OPA3: variants seen among roughly 807,000 people sequenced by gnomAD.
OPA3 encodes optic atrophy 3 protein.
A neutral mutation model predicts 4.0 loss-of-function variants in OPA3; 6 were observed. The observed-to-expected ratio is 1.51, with a 90% confidence interval of 0.83 to 2.99. The LOEUF (loss-of-function observed/expected upper bound fraction) is 2.99, where lower values mean the gene tolerates loss of function less well. Ranked by LOEUF, OPA3 falls within the 30% of genes most tolerant of loss-of-function variation. The pLI is 0.00. For synonymous variants in OPA3, 105 were observed against 117.1 expected, an observed-to-expected ratio of 0.90 and a Z score of 0.67; for missense variants, 235 against 256.2, an observed-to-expected ratio of 0.92 and a Z score of 0.56.
intron 1 of OPA3, among the ~76,000 whole-genome samples, chr19:45,572,802 ATAC>A (rs1969706359): frequency 1.2e-5 from 1 of 82,648 alleles, no homozygotes; most frequent in Admixed American, 1.5e-4. Flanking sequence ...TATATATATC[ATAC>A]TATATATATA....
chr19:45,540,566 GAA>G (rs11290497), intron 1 of OPA3, among the ~76,000 whole-genome samples: 74 of 100,782 alleles, frequency 7.3e-4, no homozygotes, highest in South Asian at 6.3e-4. Flanking sequence ...GTCTCAGAAA[GAA>G]AAAAAAAAAA....
Position 45,548,217 on chromosome 19 carries a change from G to C in OPA3, c.*5297C>G. The stretch of plus-strand genomic sequence containing the variant: ...CAAGCCTGCCACTCAGCAACACAGC[G>C]ACCAGCCCAGGAGTAGCTCCGTGAG... On this transcript the variant is annotated 3_prime_UTR_variant, in exon 2 of 2. Coordinates refer to ENST00000263275, the MANE Select transcript of OPA3 (RefSeq NM_025136.4). 1.0e-6 allele frequency: 1 copy of C among 985,938 alleles called. No individual in the cohort carries two copies. The highest frequency in any genetic ancestry group is 1.2e-6 in the Non-Finnish European group (1 of 830,256). 61.1% of individuals were successfully genotyped at this position (985,938 alleles called of 1,614,324 possible). A position where few individuals can be genotyped will look rare whatever the true frequency, so the allele number is the denominator to read the frequency against.
In OPA3 at chr19:45,548,653, T is replaced by C. The variant is rs1969285959; in HGVS notation, c.*4861A>G. ...GTAACTCAGTGAGTTTTGTGTTTTA[T>C]TTTTTTTATTTTTTTTTTTTTTGCG... On this transcript the variant is annotated 3_prime_UTR_variant, in exon 2 of 2. Coordinates refer to ENST00000263275, the MANE Select transcript of OPA3 (RefSeq NM_025136.4). The C allele has an allele frequency of 4.4e-6, 3 of 675,582 alleles. No individual in the cohort carries two copies. In the South Asian group the frequency reaches 2.1e-4, roughly 48 times the overall value. 41.8% of individuals were successfully genotyped at this position (675,582 alleles called of 1,614,324 possible). A position where few individuals can be genotyped will look rare whatever the true frequency, so the allele number is the denominator to read the frequency against.
intron 1 of OPA3, among the ~76,000 whole-genome samples, chr19:45,572,831 ATATATCTATC>A (rs1464025836): frequency 2.1e-5 from 3 of 140,808 alleles, no homozygotes; most frequent in Non-Finnish European, 4.5e-5. Flanking sequence ...ATATCTCGAT[ATATATCTATC>A]TATATATATT....
rs902515707 is a variant in OPA3 at position 45,530,533 on chromosome 19, G to A, written c.143-1077C>T. On this transcript the variant is annotated intron_variant, in intron 1 of 1. Coordinates refer to the OPA3 transcript ENST00000323060. ...ATGTATGGTTTTTTTTTATTGAGAC[G>A]GGGTCTTGCTCTGTTGCCCAGGCTG... Among the ~76,000 whole-genome samples the A allele has an allele frequency of 5.3e-5, 8 of 151,274 alleles. No individual in the cohort carries two copies. In the South Asian group the frequency reaches 1.0e-3, roughly 20 times the overall value.
In OPA3 at chr19:45,548,032, G is replaced by T; in HGVS notation, c.*5482C>A. On this transcript the variant is annotated 3_prime_UTR_variant, in exon 2 of 2. Transcript: ENST00000263275. ...TCTTTATTGCCGGTCTCTGGCACTA[G>T]AATGTCAGCTCCAGTGAGGGCCTCT... 2.6e-6 allele frequency: 2 copies of T among 773,894 alleles called. No individual in the cohort carries two copies. Among genetic ancestry groups the T allele is most frequent in the African/African-American group, 1.9e-5 (1 of 53,114 alleles). The allele number at this position is 773,894 out of a possible 1,614,324, so 47.9% of individuals were successfully genotyped here. A position where few individuals can be genotyped will look rare whatever the true frequency, so the allele number is the denominator to read the frequency against.
In OPA3 at chr19:45,553,751, G is replaced by A. The variant is rs752010426; in HGVS notation, c.303C>T (p.Tyr101=). 1.7e-5 allele frequency: 27 copies of A among 1,612,164 alleles called. No individual in the cohort carries two copies. The highest frequency in any genetic ancestry group is 2.2e-5 in the South Asian group (2 of 91,066). Residue 101 remains tyrosine (Y), a synonymous_variant, in exon 2 of 2, where the codon TAC becomes TAT. Coordinates refer to ENST00000263275, the MANE Select transcript of OPA3 (RefSeq NM_025136.4). Reference sequence around the variant, plus strand: ...GGCGCTGCTGCGCCTGGTGGCGCCAGTACTCCAGCACTAGGCAGCCGCCGC... The same window carrying A: ...GGCGCTGCTGCGCCTGGTGGCGCCAATACTCCAGCACTAGGCAGCCGCCGC... ...IVGGGCLVLE[Y]WRHQAQQRHK...
intron 1 of OPA3, among the ~76,000 whole-genome samples, chr19:45,554,700 C>T (rs1969394887): frequency 6.6e-6 from 1 of 152,200 alleles, no homozygotes; most frequent in Non-Finnish European, 1.5e-5. Flanking sequence ...AGAGGGAACC[C>T]TTGTGTGGTG....
At chr19:45,571,943 T>C (rs776264611) in intron 1 of OPA3, among the ~76,000 whole-genome samples, 6 of 151,950 alleles carry the variant, frequency 3.9e-5, no homozygotes, top group Admixed American at 6.6e-5. Flanking sequence ...CAATTTTTCA[T>C]TTTACTTGTG....
intron 1 of OPA3, among the ~76,000 whole-genome samples, chr19:45,557,097 G>C (rs1969432195): frequency 6.6e-6 from 1 of 152,198 alleles, no homozygotes. Context: ...GAGGGGTGAG[G>C]GTTCCAGATC....
exon 2 of OPA3, chr19:45,528,520 G>T (rs1969019149): frequency 6.4e-6 from 1 of 155,656 alleles, no homozygotes; most frequent in Non-Finnish European, 1.4e-5. Flanking sequence ...ATGGAAGGGG[G>T]CGGGTCGGGA....
chr19:45,546,463 G>T lies in OPA3; in HGVS notation c.*7051C>A. On this transcript the variant is annotated 3_prime_UTR_variant, in exon 2 of 2. Transcript: ENST00000263275. ...AAAATACATAGAATTGTAAATTATT[G>T]TATAAATATGCACACGATGGATTAC... The T allele has an allele frequency of 8.6e-6, 5 of 583,828 alleles. No individual in the cohort carries two copies. Among genetic ancestry groups the T allele is most frequent in the Non-Finnish European group, 8.6e-6 (4 of 465,812 alleles). The allele number at this position is 583,828 out of a possible 1,614,324, so 36.2% of individuals were successfully genotyped here. A position where few individuals can be genotyped will look rare whatever the true frequency, so the allele number is the denominator to read the frequency against.
At chr19:45,545,183 A>C (rs1318563925), downstream of OPA3, among the ~76,000 whole-genome samples, 2 of 147,594 alleles carry the variant, frequency 1.4e-5, no homozygotes, top group South Asian at 2.1e-4. Flanking sequence ...AAAAAACAAA[A>C]AAACAAAAAA....
intron 1 of OPA3, among the ~76,000 whole-genome samples, chr19:45,563,845 C>T (rs933068807): frequency 1.3e-5 from 2 of 150,698 alleles, no homozygotes; most frequent in African/African-American, 4.9e-5. Context: ...TGAGCCACCG[C>T]GCCCGGCCTT....
In OPA3 at chr19:45,565,080, A is replaced by G. The variant is rs1001034004; in HGVS notation, c.143-11169T>C. The stretch of plus-strand genomic sequence containing the variant: ...TCTCTACTAAAAATAAAGAAAAAAA[A>G]AAAATTAGCTGGGCGTGGTGGCACA... On this transcript the variant is annotated intron_variant, in intron 1 of 1. Coordinates refer to ENST00000263275, the MANE Select transcript of OPA3 (RefSeq NM_025136.4). Among the ~76,000 whole-genome samples, 12 of 151,494 alleles carry G rather than the reference A, an allele frequency of 7.9e-5. 1 individual carries two copies. The highest frequency in any genetic ancestry group is 2.9e-5 in the Non-Finnish European group (2 of 67,878).
At position 45,583,173 on chromosome 19, in the gene OPA3, C is replaced by A. The variant is rs563801600; in HGVS notation, c.142+1450G>T. 2.6e-5 allele frequency among the ~76,000 whole-genome samples: 4 copies of A among 151,382 alleles called. No homozygotes were observed. In the South Asian group the frequency reaches 8.4e-4, roughly 32 times the overall value. ...AGATCACCTTTTTTTTTTTTGGAGA[C>A]GGAGTCTTGCTCCGTCACCCAGGCT... On this transcript the variant is annotated intron_variant, in intron 1 of 1. Transcript: ENST00000263275.
At chr19:45,541,365 G>T (rs1271892544), downstream of OPA3, among the ~76,000 whole-genome samples, 2 of 152,028 alleles carry the variant, frequency 1.3e-5, no homozygotes, top group Non-Finnish European at 2.9e-5. Flanking sequence ...TGTACTATAG[G>T]GGGGTCTGGG....
intron 1 of OPA3, among the ~76,000 whole-genome samples, chr19:45,530,942 T>C (rs1409606162): frequency 3.6e-4 from 44 of 122,166 alleles, no homozygotes; most frequent in African/African-American, 1.4e-3. Flanking sequence ...TTTTTTTTTT[T>C]TTTTTTTTTT....
chr19:45,557,137 G>A (rs1815179050), intron 1 of OPA3, among the ~76,000 whole-genome samples: 3 of 152,174 alleles, frequency 2.0e-5, no homozygotes, highest in African/African-American at 7.2e-5. Flanking sequence ...GGTTCCCAGC[G>A]TGGAAATGCA....
Sources: allele counts gnomAD v4.1 joint callset (sites outside exome capture counted in the v4.1 genomes callset), GRCh38; gene constraint gnomAD v4.1.1; transcripts MANE v1.5; gene names NCBI Gene and HGNC (gene_info 2026-07-23, HGNC 2026-07-21).